SEMA4F: variants seen among roughly 807,000 people sequenced by gnomAD.
The protein encoded by SEMA4F is semaphorin-4F.
SEMA4F carries 51 observed loss-of-function variants against 78.4 expected under a neutral mutation model. That is an observed-to-expected ratio of 0.65 (90% CI 0.52 to 0.82). The LOEUF (loss-of-function observed/expected upper bound fraction) is 0.82, where lower values mean the gene tolerates loss of function less well. Ranked by LOEUF, SEMA4F falls within the 40% of genes least tolerant of loss-of-function variation. The pLI is 0.00. For synonymous variants in SEMA4F, 418 were observed against 408.7 expected (o/e 1.02, Z -0.27); for missense variants, 938 against 1,014.4 (o/e 0.92, Z 1.02).
chr2:74,660,241 A>C (rs1012460535), intron 4 of SEMA4F, among the ~76,000 whole-genome samples: 1 of 152,262 alleles, frequency 6.6e-6, no homozygotes, highest in East Asian at 1.9e-4. Flanking sequence ...CTGAATAGCT[A>C]GCAGAGGCAG....
intron 8 of SEMA4F, 65 bp downstream of exon 8, chr2:74,674,741 G>T (rs1259921040): frequency 1.9e-6 from 3 of 1,580,750 alleles, no homozygotes; most frequent in East Asian, 4.5e-5. Context: ...CACAATGTCA[G>T]TGTTGTCTCT....
At chr2:74,699,004 G>T in the SEMA4F span, among the ~76,000 whole-genome samples, 1 of 151,826 alleles carries the variant, frequency 6.6e-6, no homozygotes, top group Non-Finnish European at 1.5e-5. Flanking sequence ...TGTAGAGACG[G>T]TGTCTCACCA....
the SEMA4F span, among the ~76,000 whole-genome samples, chr2:74,699,691 C>A: frequency 2.6e-5 from 4 of 152,038 alleles, no homozygotes; most frequent in African/African-American, 9.7e-5. Context: ...GAGGAGCATA[C>A]AAGAGACATG....
In SEMA4F at chr2:74,683,329, C is replaced by T. The variant is rs971343117; in HGVS notation, c.*3120C>T. On this transcript the variant is annotated 3_prime_UTR_variant, in exon 14 of 14. Coordinates refer to ENST00000357877, the MANE Select transcript of SEMA4F (RefSeq NM_004263.5). ...CTGAACTTTATGCCAGCCCAAAACA[C>T]GAGGACGTGCCACCCATCCTCAGCA... 2.0e-5 allele frequency: 3 copies of T among 152,190 alleles called. No individual in the cohort carries two copies. The highest frequency in any genetic ancestry group is 4.8e-5 in the African/African-American group (2 of 41,416). 9.4% of individuals were successfully genotyped at this position (152,190 alleles called of 1,614,324 possible).
At chr2:74,706,086 G>A in the SEMA4F span, among the ~76,000 whole-genome samples, 1 of 152,024 alleles carries the variant, frequency 6.6e-6, no homozygotes, top group African/African-American at 2.4e-5. Flanking sequence ...TTCAAAAAAT[G>A]AATAAGAGAA....
chr2:74,695,596 GA>G, the SEMA4F span, among the ~76,000 whole-genome samples: 1 of 152,158 alleles, frequency 6.6e-6, no homozygotes, highest in Admixed American at 6.5e-5. Flanking sequence ...AATTCCCCAA[GA>G]AACAGGACGC....
intron 8 of SEMA4F, 81 bp from the exon 9 acceptor site, chr2:74,674,807 G>T: frequency 1.3e-6 from 2 of 1,562,922 alleles, no homozygotes; most frequent in Non-Finnish European, 8.7e-7. Flanking sequence ...TGCGTTTCTC[G>T]GGGGTCATCT....
At chr2:74,657,380 A>G (rs1684209476) in intron 2 of SEMA4F, among the ~76,000 whole-genome samples, 185 bp from the exon 3 acceptor site, 1 of 152,218 alleles carries the variant, frequency 6.6e-6, no homozygotes, top group Non-Finnish European at 1.5e-5. Flanking sequence ...AATGTTGGTC[A>G]TGATTTCAGA....
At chr2:74,662,077 G>A (rs905223694) in intron 4 of SEMA4F, among the ~76,000 whole-genome samples, 1 of 151,620 alleles carries the variant, frequency 6.6e-6, no homozygotes, top group Non-Finnish European at 1.5e-5. Flanking sequence ...AGTCCCTCTG[G>A]AGTCCCTGGG....
At position 74,662,752 on chromosome 2, in the gene SEMA4F, G is replaced by A; in HGVS notation, c.477G>A (p.Gln159=). Residue 159 remains glutamine (Q), a synonymous_variant, in exon 5 of 14, where the codon CAG becomes CAA. Transcript: ENST00000357877. ...CGVIDVSRFQ[Q]VERLESGRGK... Reference sequence around the variant, plus strand: ...TATAGGATGTGTCCAGGTTCCAGCAGGTTGAAAGACTTGAGAGTGGCCGGG... The same window carrying A: ...TATAGGATGTGTCCAGGTTCCAGCAAGTTGAAAGACTTGAGAGTGGCCGGG... 6.2e-7 allele frequency: 1 copy of A among 1,614,168 alleles called. No individual in the cohort carries two copies. Among genetic ancestry groups the A allele is most frequent in the Non-Finnish European group, 8.5e-7 (1 of 1,179,994 alleles).
chr2:74,673,405 T>G, intron 5 of SEMA4F, 52 bp from the exon 6 acceptor site: 1 of 1,608,232 alleles, frequency 6.2e-7, no homozygotes, highest in Non-Finnish European at 8.5e-7. Context: ...TGACCTCTGT[T>G]GCTTCCCTCA....
rs752364611 is a variant in SEMA4F, at chr2:74,654,416, C to T, written c.40C>T (p.Gln14Ter). The T allele has an allele frequency of 3.2e-6, 5 of 1,544,358 alleles. No homozygotes were observed. The highest frequency in any genetic ancestry group is 1.9e-5 in the Admixed American group (1 of 53,288). The change falls in exon 1 of 14, where the codon CAG (glutamine) becomes TAG (stop). Residue 14 changes from glutamine to a stop codon, truncating the protein, a stop_gained. Transcript: ENST00000357877. LOFTEE classifies it high-confidence loss of function. ...TGCGCGGCCCCGCCCGGGTCCCGGG[C>T]AGCCTACAGCCTCGCCCTTCCCGCT... The part of the protein sequence containing the change: ...SAARPRPGPG[Q>*]PTASPFPLLL...
chr2:74,669,452 G>T (rs776193611), intron 5 of SEMA4F, among the ~76,000 whole-genome samples: 1 of 151,968 alleles, frequency 6.6e-6, no homozygotes, highest in Non-Finnish European at 1.5e-5. Context: ...GGTGTGGTGG[G>T]GGGGTGCCTG....
At chr2:74,654,625 T>G in intron 1 of SEMA4F, 104 bp downstream of exon 1, 1 of 1,052,826 alleles carries the variant, frequency 9.5e-7, no homozygotes, top group Non-Finnish European at 1.3e-6. Context: ...CTCAGCCTGG[T>G]GTATGGCGTT....
chr2:74,679,695 AG>A lies in SEMA4F; in HGVS notation c.1800del (p.Gln600HisfsTer5). ...SSAWASCVWH[Q>X]PSGVTALTPR... ...GCATGGGCATCCTGTGTGTGGCACC[AG>A]CCCAGTGGAGTGACTGCACTCACCC... is the stretch of plus-strand genomic sequence containing the variant. On this transcript the variant is annotated frameshift_variant, in exon 14 of 14. Transcript: ENST00000357877. LOFTEE classifies it high-confidence loss of function. 2 of 1,614,096 alleles carry A rather than the reference AG, an allele frequency of 1.2e-6. No individual in the cohort carries two copies. The highest frequency in any genetic ancestry group is 2.2e-5 in the South Asian group (2 of 91,088).
In SEMA4F at chr2:74,682,451, A is replaced by G. The variant is rs1223969686; in HGVS notation, c.*2242A>G. ...AAAAAAGATAACCATGACACTCGCA[A>G]TCATATTAAGCCTCACTCAGTAAAG... On this transcript the variant is annotated 3_prime_UTR_variant, in exon 14 of 14. Coordinates refer to ENST00000357877, the MANE Select transcript of SEMA4F (RefSeq NM_004263.5). 1 of 152,560 alleles carries G rather than the reference A, an allele frequency of 6.6e-6. No homozygotes were observed. Among genetic ancestry groups the G allele is most frequent in the African/African-American group, 2.4e-5 (1 of 41,424 alleles). 9.5% of individuals were successfully genotyped at this position (152,560 alleles called of 1,614,324 possible).
downstream of SEMA4F, chr2:74,683,971 G>A (rs1685750355): frequency 6.6e-6 from 1 of 152,146 alleles, no homozygotes; most frequent in South Asian, 2.1e-4. Context: ...AGCTGTAAAT[G>A]GGGTGGAGTT....
the SEMA4F span, among the ~76,000 whole-genome samples, chr2:74,694,306 A>G: frequency 4.8e-4 from 73 of 152,216 alleles, no homozygotes; most frequent in East Asian, 0.012. Context: ...TGATGAAATC[A>G]TTGTTAGACA....
chr2:74,689,625 T>C, the SEMA4F span, among the ~76,000 whole-genome samples: 1 of 152,156 alleles, frequency 6.6e-6, no homozygotes, highest in African/African-American at 2.4e-5. Context: ...ACAAGTGAAA[T>C]TTGGTTAAAT....
Sources: allele counts gnomAD v4.1 joint callset (sites outside exome capture counted in the v4.1 genomes callset), GRCh38; gene constraint gnomAD v4.1.1; transcripts MANE v1.5; gene names NCBI Gene and HGNC (gene_info 2026-07-23, HGNC 2026-07-21).